The following NHERF1 variants were observed in gnomAD, a reference collection of about 807,000 sequenced individuals.
NHERF1 encodes NHERF family PDZ scaffold protein 1.
chr17:74,765,761 A>G, the NHERF1 span, among the ~76,000 whole-genome samples: 1 of 152,060 alleles, frequency 6.6e-6, no homozygotes, highest in African/African-American at 2.4e-5. Flanking sequence ...CATGTTGGCC[A>G]GGCTGGTCTT....
At chr17:74,765,785 C>T in the NHERF1 span, among the ~76,000 whole-genome samples, 3 of 152,040 alleles carry the variant, frequency 2.0e-5, no homozygotes, top group Non-Finnish European at 2.9e-5. Flanking sequence ...CTCCTGACCT[C>T]AGGTGATCCG....
chr17:74,768,703 A>G, the NHERF1 span: 1 of 1,568,198 alleles, frequency 6.4e-7, no homozygotes, highest in African/African-American at 1.4e-5. Flanking sequence ...CCAGCATTCC[A>G]CCCCACCTTT....
chr17:74,762,335 G>A, the NHERF1 span, among the ~76,000 whole-genome samples: 3 of 152,140 alleles, frequency 2.0e-5, no homozygotes, highest in Admixed American at 2.0e-4. The surrounding 1 kb of genome is among the most constrained non-coding windows in gnomAD (Gnocchi z 4.2). Context: ...AGGGAAGGGT[G>A]GTGGATGGAT....
At chr17:74,759,662 C>T in the NHERF1 span, among the ~76,000 whole-genome samples, 1 of 152,246 alleles carries the variant, frequency 6.6e-6, no homozygotes, top group African/African-American at 2.4e-5. Flanking sequence ...AGCTCCCAGC[C>T]TACCTCCAGC....
the NHERF1 span, chr17:74,768,385 C>G: frequency 6.6e-7 from 1 of 1,513,602 alleles, no homozygotes; most frequent in Non-Finnish European, 9.2e-7. Flanking sequence ...ACGGCCCCAA[C>G]GGAGCCACCT....
chr17:74,759,830 G>C, the NHERF1 span, among the ~76,000 whole-genome samples: 2 of 152,252 alleles, frequency 1.3e-5, no homozygotes, highest in Non-Finnish European at 2.9e-5. Context: ...CCAAGTCAGA[G>C]ACCAGGGTTG....
chr17:74,761,438 C>T, the NHERF1 span, among the ~76,000 whole-genome samples: 2 of 152,202 alleles, frequency 1.3e-5, no homozygotes, highest in South Asian at 2.1e-4. This position sits in a 1 kb window ranked among gnomAD's most constrained non-coding sequence, Gnocchi z 4.3. Context: ...CTGGGCCATT[C>T]GGCTTGGTGG....
the NHERF1 span, among the ~76,000 whole-genome samples, chr17:74,752,746 GGCCTCC>G: frequency 3.3e-5 from 5 of 152,154 alleles, no homozygotes; most frequent in African/African-American, 4.8e-5. Flanking sequence ...TGCCAGCCTC[GGCCTCC>G]GCCTCCTCTT....
the NHERF1 span, among the ~76,000 whole-genome samples, chr17:74,759,822 A>G: frequency 1.3e-5 from 2 of 152,216 alleles, no homozygotes; most frequent in Non-Finnish European, 2.9e-5. Context: ...GACAGGTTCC[A>G]AGTCAGAGAC....
chr17:74,758,687 T>C, the NHERF1 span, among the ~76,000 whole-genome samples: 1 of 152,060 alleles, frequency 6.6e-6, no homozygotes, highest in South Asian at 2.1e-4. The surrounding 1 kb of genome is among the most constrained non-coding windows in gnomAD (Gnocchi z 4.3). Context: ...CCTCCTAAGA[T>C]CCTGGGGGCC....
the NHERF1 span, among the ~76,000 whole-genome samples, chr17:74,756,497 T>C: frequency 6.6e-6 from 1 of 151,974 alleles, no homozygotes; most frequent in Non-Finnish European, 1.5e-5. Context: ...CATGCTGGTC[T>C]TGAACTCCCG....
the NHERF1 span, among the ~76,000 whole-genome samples, chr17:74,750,700 G>A: frequency 6.6e-6 from 1 of 151,622 alleles, no homozygotes; most frequent in Non-Finnish European, 1.5e-5. Flanking sequence ...TTTGTGCTGA[G>A]TCCATCGATC....
chr17:74,768,062 C>T, the NHERF1 span: 1 of 930,052 alleles, frequency 1.1e-6, no homozygotes, highest in South Asian at 1.3e-5. Flanking sequence ...CAGTCTGAGG[C>T]CCCTACTTCC....
chr17:74,754,942 A>T, the NHERF1 span, among the ~76,000 whole-genome samples: 1 of 152,220 alleles, frequency 6.6e-6, no homozygotes, highest in Non-Finnish European at 1.5e-5. Flanking sequence ...AGTGAGGCAG[A>T]TATTGGCCCC....
chr17:74,749,561 G>A, the NHERF1 span, among the ~76,000 whole-genome samples: 1 of 152,188 alleles, frequency 6.6e-6, no homozygotes, highest in East Asian at 1.9e-4. The surrounding 1 kb of genome is among the most constrained non-coding windows in gnomAD (Gnocchi z 5.6). Flanking sequence ...TTGGGAGGGC[G>A]GCGCAGGGGA....
At chr17:74,749,331 A>T in the NHERF1 span, 1 of 1,480,888 alleles carries the variant, frequency 6.8e-7, no homozygotes, top group Admixed American at 2.3e-5. This position sits in a 1 kb window ranked among gnomAD's most constrained non-coding sequence, Gnocchi z 5.6. Context: ...GAGTGGGAGG[A>T]GGATCCGGAG....
the NHERF1 span, chr17:74,748,845 A>C: frequency 6.3e-7 from 1 of 1,590,206 alleles, no homozygotes; most frequent in South Asian, 1.1e-5. The surrounding 1 kb of genome is among the most constrained non-coding windows in gnomAD (Gnocchi z 4.3). Context: ...TCGCAGGGCG[A>C]GATGAGCGCG....
the NHERF1 span, among the ~76,000 whole-genome samples, chr17:74,758,069 C>T: frequency 2.6e-5 from 4 of 152,362 alleles, no homozygotes; most frequent in Non-Finnish European, 4.4e-5. This position sits in a 1 kb window ranked among gnomAD's most constrained non-coding sequence, Gnocchi z 4.3. Context: ...CCCAATGGGG[C>T]GTTGGCCCCC....
At chr17:74,762,091 A>G in the NHERF1 span, 6 of 1,614,158 alleles carry the variant, frequency 3.7e-6, no homozygotes, top group South Asian at 1.1e-5. This position sits in a 1 kb window ranked among gnomAD's most constrained non-coding sequence, Gnocchi z 4.2. Flanking sequence ...GACAAGTCCA[A>G]GCCAGGCCAG....
Sources: allele counts gnomAD v4.1 joint callset (sites outside exome capture counted in the v4.1 genomes callset), GRCh38; gene constraint gnomAD v4.1.1; non-coding constraint Gnocchi (gnomAD v3.1); transcripts MANE v1.5; gene names NCBI Gene and HGNC (gene_info 2026-07-23, HGNC 2026-07-21).